IL32: variants seen among roughly 807,000 people sequenced by gnomAD.
IL32 encodes interleukin-32.
A neutral mutation model predicts 16.6 loss-of-function variants in IL32; 30 were observed. That is an observed-to-expected ratio of 1.81 (90% CI 1.35 to 2.45). IL32 has a LOEUF of 2.45. Ranked by LOEUF, IL32 falls within the 30% of genes most tolerant of loss-of-function variation. IL32 has a pLI of 0.00. For missense variants in IL32, 234 were observed against 229.8 expected, an observed-to-expected ratio of 1.02 and a Z score of -0.12; for synonymous variants, 70 against 86.1, an observed-to-expected ratio of 0.81 and a Z score of 1.03.
chr16:3,067,271 CTG>C (rs60859102), intron 2 of IL32, 104 bp from the exon 3 acceptor site: 48,011 of 599,534 alleles, frequency 0.08, 667 homozygotes, highest in Middle Eastern at 0.11. Flanking sequence ...CCATGTGTCT[CTG>C]TGTGTGTGTG....
At position 3,067,872 on chromosome 16, in the gene IL32, C is replaced by A; in HGVS notation, c.115-112C>A. 6 of 1,308,522 alleles carry A rather than the reference C, an allele frequency of 4.6e-6. No homozygotes were observed. The South Asian group carries it at 7.2e-5, about 16-fold the overall frequency. 81.1% of individuals were successfully genotyped at this position (1,308,522 alleles called of 1,614,324 possible). ...TGCCAGACGTGGCCCGGGCCCCTGG[C>A]TGGGCCCAGTTCGGGGTGTGTGGGA... On this transcript the variant is annotated intron_variant, in intron 4 of 6. Transcript: ENST00000525643.
At chr16:3,065,588 G>A (rs895162073), upstream of IL32, 11 of 641,560 alleles carry the variant, frequency 1.7e-5, no homozygotes, top group Non-Finnish European at 2.8e-5. Context: ...GAGAGGCTCC[G>A]CCCACTACCC....
At chr16:3,066,374 C>G (rs531469138) in intron 2 of IL32, among the ~76,000 whole-genome samples, 1 of 152,222 alleles carries the variant, frequency 6.6e-6, no homozygotes, top group East Asian at 1.9e-4. Flanking sequence ...CATGTCGGCA[C>G]GGTGCTGCTT....
Position 3,067,419 on chromosome 16 carries a change from A to G in IL32, c.54+4A>G, listed in dbSNP as rs761171126. 6.3e-7 allele frequency: 1 copy of G among 1,590,726 alleles called. No individual in the cohort carries two copies. Among genetic ancestry groups the G allele is most frequent in the Non-Finnish European group, 8.6e-7 (1 of 1,167,802 alleles). Reference sequence around the variant, plus strand: ...GAAGAAGCTGAAGGCCCGAATGGTAATGCTCCTCCCTACTTCTGCTCAGGG... The same window carrying G: ...GAAGAAGCTGAAGGCCCGAATGGTAGTGCTCCTCCCTACTTCTGCTCAGGG... On this transcript the variant is annotated splice_donor_region_variant and intron_variant, in intron 3 of 6. Coordinates refer to ENST00000525643, the MANE Select transcript of IL32 (RefSeq NM_001376923.1).
intron 4 of IL32, 165 bp downstream of exon 4, chr16:3,067,778 G>A (rs538283365): frequency 6.2e-6 from 5 of 803,518 alleles, no homozygotes; most frequent in South Asian, 4.7e-5. Flanking sequence ...GGCGGGTGGG[G>A]GATCTGGACG....
chr16:3,068,479 T>C (rs563059610), intron 6 of IL32: 8 of 526,786 alleles, frequency 1.5e-5, no homozygotes, highest in African/African-American at 3.8e-5. Flanking sequence ...CTGATTTTTT[T>C]TGTGTGTGTT....
chr16:3,067,408 C>A lies in IL32; in HGVS notation c.47C>A (p.Ala16Asp), dbSNP rs773196760. 29 of 1,574,030 alleles carry A rather than the reference C, an allele frequency of 1.8e-5. No homozygotes were observed. The highest frequency in any genetic ancestry group is 2.5e-5 in the Non-Finnish European group (29 of 1,159,068). ...TCTGATGACATGAAGAAGCTGAAGG[C>A]CCGAATGGTAATGCTCCTCCCTACT... ...VLSDDMKKLK[A>D]RMHQAIERFY... Residue 16 changes from alanine (A) to aspartate (D), a missense_variant, in exon 3 of 7, where the codon GCC becomes GAC. Ala to Asp is a moderately radical substitution (Grantham distance 126, BLOSUM62 -2). Coordinates refer to ENST00000525643, the MANE Select transcript of IL32 (RefSeq NM_001376923.1).
chr16:3,068,850 C>T, intron 6 of IL32, 140 bp from the exon 7 acceptor site: 2 of 1,377,844 alleles, frequency 1.5e-6, no homozygotes, highest in African/African-American at 1.5e-5. Flanking sequence ...CCCTCTTGCC[C>T]ACGGGGCTGT....
rs1956595821 is a variant in IL32, at chr16:3,067,965, A to T, written c.115-19A>T. 5 of 1,613,972 alleles carry T rather than the reference A, an allele frequency of 3.1e-6. No homozygotes were observed. On this transcript the variant is annotated intron_variant, in intron 4 of 6. Transcript: ENST00000525643. The stretch of plus-strand genomic sequence containing the variant: ...CAGAGGAGGCTTGGGCCTGGAACCG[A>T]GTGCTTTGTTCCTAACAGGTGATGT...
In IL32 at chr16:3,066,918, GCAGGCC is replaced by G. The variant is rs1347769572; in HGVS notation, c.16-457_16-452del. ...GTGCAGGGAGGACACCCCGGCCCAC[GCAGGCC>G]CTGCTCTTGTGAGGAGGGGTCACCT... On this transcript the variant is annotated intron_variant, in intron 2 of 6. Transcript: ENST00000525643. 3.2e-4 allele frequency among the ~76,000 whole-genome samples: 48 copies of G among 149,240 alleles called. 3 individuals carry two copies. The highest frequency in any genetic ancestry group is 1.1e-3 in the African/African-American group (43 of 39,608).
chr16:3,067,269 C>CTGTGTGTG (rs1555442464), intron 2 of IL32, 108 bp from the exon 3 acceptor site: 14 of 391,384 alleles, frequency 3.6e-5, no homozygotes, highest in Admixed American at 2.2e-4. Context: ...TGCCATGTGT[C>CTGTGTGTG]TCTGTGTGTG....
Position 3,067,991 on chromosome 16 carries a change from CG to C in IL32, c.123del (p.Ser42AlafsTer68), listed in dbSNP as rs1324298983. ...GTGCTTTGTTCCTAACAGGTGATGT[CG>C]AGCCTGGCAGAGCTGGAGGTGAGCC... is the stretch of plus-strand genomic sequence containing the variant. ...NAESGRGQVM[S>X]SLAELEDDFK... On this transcript the variant is annotated frameshift_variant, in exon 5 of 7. Coordinates refer to ENST00000525643, the MANE Select transcript of IL32 (RefSeq NM_001376923.1). LOFTEE classifies it high-confidence loss of function. The C allele has an allele frequency of 6.2e-7, 1 of 1,614,088 alleles. No homozygotes were observed. Among genetic ancestry groups the C allele is most frequent in the East Asian group, 2.2e-5 (1 of 44,862 alleles).
Position 3,069,057 on chromosome 16 carries a change from C to A in IL32, c.269C>A (p.Pro90Gln), listed in dbSNP as rs567269635. ...TGCCGAGGCAACAGATCCCCTGTCC[C>A]GGATGTTGAGGATCCCGCAACCGAG... ...LRCRGNRSPV[P>Q]DVEDPATEEP... The change falls in exon 7 of 7, where the codon CCG becomes CAG. Residue 90 changes from proline to glutamine, a missense_variant. Physicochemically the swap from Pro to Gln is moderately conservative, Grantham distance 76 (BLOSUM62 -1). This residue lies in a region of IL32 where 44 missense variants were observed against 103.1 expected (regional missense o/e 0.43). Coordinates refer to ENST00000525643, the MANE Select transcript of IL32 (RefSeq NM_001376923.1). 1.2e-6 allele frequency: 2 copies of A among 1,607,268 alleles called. No homozygotes were observed. Among genetic ancestry groups the A allele is most frequent in the East Asian group, 2.2e-5 (1 of 44,732 alleles).
At chr16:3,067,271 C>CTGTGTGTGTGTGTGTGTGTGTG (rs60859102) in intron 2 of IL32, 106 bp from the exon 3 acceptor site, 40 of 603,662 alleles carry the variant, frequency 6.6e-5, no homozygotes, top group South Asian at 1.5e-4. Context: ...CCATGTGTCT[C>CTGTGTGTGTGTGTGTGTGTGTG]TGTGTGTGTG....
intron 4 of IL32, 44 bp downstream of exon 4, chr16:3,067,657 C>A (rs777862930): frequency 7.2e-7 from 1 of 1,385,172 alleles, no homozygotes; most frequent in Non-Finnish European, 1.0e-6. Flanking sequence ...TGTCCCCGCC[C>A]CCAGGCACTC....
chr16:3,066,911 G>A (rs989028256), intron 2 of IL32, among the ~76,000 whole-genome samples: 2 of 150,808 alleles, frequency 1.3e-5, no homozygotes, highest in Non-Finnish European at 3.0e-5. Context: ...AGGACACCCC[G>A]GCCCACGCAG....
At chr16:3,067,807 G>A (rs1013411120) in intron 4 of IL32, 177 bp from the exon 5 acceptor site, 21 of 830,972 alleles carry the variant, frequency 2.5e-5, no homozygotes, top group Admixed American at 1.8e-4. Context: ...GACTGAGGGA[G>A]GCATCCAAGC....
chr16:3,068,016 C>A lies in IL32; in HGVS notation c.141+6C>A. On this transcript the variant is annotated splice_donor_region_variant and intron_variant, in intron 5 of 6. Transcript: ENST00000525643. ...CGAGCCTGGCAGAGCTGGAGGTGAG[C>A]CGTGGCCTCCCCCTCCACCAAGCTT... The A allele has an allele frequency of 6.2e-7, 1 of 1,613,882 alleles. No homozygotes were observed. The highest frequency in any genetic ancestry group is 8.5e-7 in the Non-Finnish European group (1 of 1,179,818).
In IL32 at chr16:3,065,830, A is replaced by G. The variant is rs1596234847; in HGVS notation, c.15+4A>G. 6.2e-7 allele frequency: 1 copy of G among 1,613,940 alleles called. No individual in the cohort carries two copies. The highest frequency in any genetic ancestry group is 1.1e-5 in the South Asian group (1 of 91,076). ...GGCCGCCATGTGCTTCCCGAAGGTGAGTGAGAGGCTGCGTGTGCTTTTGTG... is the reference window on the plus strand; with the variant it reads ...GGCCGCCATGTGCTTCCCGAAGGTGGGTGAGAGGCTGCGTGTGCTTTTGTG... On this transcript the variant is annotated splice_donor_region_variant and intron_variant, in intron 2 of 6. Transcript: ENST00000525643.
Sources: gnomAD v4.1 joint callset for allele counts (sites outside exome capture counted in the v4.1 genomes callset) on GRCh38, gnomAD v4.1.1 for gene constraint, gnomAD v4.1.1 regional missense constraint, MANE v1.5 for transcripts, NCBI Gene and HGNC (gene_info 2026-07-23, HGNC 2026-07-21) for gene names.